MAGI1: variants seen among roughly 807,000 people sequenced by gnomAD.
MAGI1 encodes the protein membrane-associated guanylate kinase, WW and PDZ domain-containing protein 1.
MAGI1 carries 58 observed loss-of-function variants against 139.9 expected under a neutral mutation model. The ratio of observed to expected loss-of-function variants is 0.41; its 90% CI spans 0.34 to 0.52. The LOEUF (loss-of-function observed/expected upper bound fraction) is 0.52. MAGI1 is among the 20% of genes least tolerant of loss of function. MAGI1 has a pLI of 0.12. For missense variants in MAGI1, 1,874 were observed against 1,901.6 expected (o/e 0.99, Z 0.27); for synonymous variants, 812 against 737.9 (o/e 1.10, Z -1.63).
intron 1 of MAGI1, among the ~76,000 whole-genome samples, chr3:65,762,199 A>G (rs992773449): frequency 6.6e-6 from 1 of 152,282 alleles, no homozygotes; most frequent in Non-Finnish European, 1.5e-5. Flanking sequence ...TCACAGCTCA[A>G]GTGGTTCCTT....
chr3:65,781,464 G>A (rs1040244184), intron 1 of MAGI1, among the ~76,000 whole-genome samples: 1 of 152,158 alleles, frequency 6.6e-6, no homozygotes, highest in African/African-American at 2.4e-5. Flanking sequence ...TGTGCAGGAT[G>A]TACAGGTTTG....
intron 20 of MAGI1, among the ~76,000 whole-genome samples, chr3:65,363,872 A>G (rs957931661): frequency 1.3e-5 from 2 of 152,174 alleles, no homozygotes; most frequent in South Asian, 4.1e-4. Flanking sequence ...GCATTTGGGG[A>G]AGGACAATTC....
intron 1 of MAGI1, among the ~76,000 whole-genome samples, chr3:65,789,664 G>A (rs1196790714): frequency 6.6e-6 from 1 of 152,174 alleles, no homozygotes. Context: ...TTAAAGGACA[G>A]AACCGAAGCA....
chr3:65,497,356 G>A (rs1378888515), intron 2 of MAGI1, among the ~76,000 whole-genome samples: 1 of 152,108 alleles, frequency 6.6e-6, no homozygotes, highest in Non-Finnish European at 1.5e-5. Flanking sequence ...AGCAAGATAG[G>A]AGCAAAGGAG....
At chr3:65,620,544 AAATAG>A (rs554546071) in intron 2 of MAGI1, among the ~76,000 whole-genome samples, 82 of 152,344 alleles carry the variant, frequency 5.4e-4, no homozygotes, top group African/African-American at 1.6e-3. Context: ...TGATTTGTAA[AAATAG>A]AATGATAATC....
chr3:65,405,009 A>T (rs1262448025), intron 12 of MAGI1, among the ~76,000 whole-genome samples: 2 of 152,206 alleles, frequency 1.3e-5, no homozygotes, highest in Non-Finnish European at 2.9e-5. Context: ...TGTCTGGTCC[A>T]TTCAGGGTAA....
rs1437377703 is a variant in MAGI1, at chr3:65,453,485, G to T, written c.960-145C>A. On this transcript the variant is annotated intron_variant, in intron 5 of 22. Transcript: ENST00000402939. ...CCAACAGCAAATCCAAACCAGAAGA[G>T]AGCCTGAGTTTACAATTATAAAATG... is the stretch of plus-strand genomic sequence containing the variant. The T allele has an allele frequency of 4.7e-6, 3 of 641,982 alleles. No individual in the cohort carries two copies. In the African/African-American group the frequency reaches 5.5e-5, roughly 12 times the overall value. The allele number at this position is 641,982 out of a possible 1,614,324, so 39.8% of individuals were successfully genotyped here.
At chr3:65,552,836 G>A (rs766473105) in intron 2 of MAGI1, among the ~76,000 whole-genome samples, 1 of 152,182 alleles carries the variant, frequency 6.6e-6, no homozygotes, top group South Asian at 2.1e-4. Context: ...CCAGATGCAT[G>A]TGTTATGCCT....
intron 2 of MAGI1, among the ~76,000 whole-genome samples, chr3:65,616,019 G>C (rs1195160155): frequency 1.3e-5 from 2 of 152,176 alleles, no homozygotes; most frequent in African/African-American, 4.8e-5. Flanking sequence ...TTCGTTGCTA[G>C]CCATGAAAGT....
At chr3:65,658,558 G>T (rs2086015494) in intron 1 of MAGI1, among the ~76,000 whole-genome samples, 1 of 152,116 alleles carries the variant, frequency 6.6e-6, no homozygotes, top group African/African-American at 2.4e-5. Flanking sequence ...ATTATCTAGG[G>T]ATTTGGTTAA....
intron 1 of MAGI1, among the ~76,000 whole-genome samples, chr3:65,957,537 A>G (rs903532375): frequency 9.5e-5 from 14 of 148,116 alleles, no homozygotes; most frequent in Admixed American, 2.7e-4. Context: ...AAAAAAAAGA[A>G]AAAGAAAAGA....
chr3:65,962,416 C>A (rs13088832), intron 1 of MAGI1, among the ~76,000 whole-genome samples: 2 of 151,976 alleles, frequency 1.3e-5, no homozygotes, highest in African/African-American at 2.4e-5. Context: ...CCACCGCGCC[C>A]GGCCTCTGAA....
At chr3:65,846,983 A>AAAAAACAAC (rs2059024741) in intron 1 of MAGI1, among the ~76,000 whole-genome samples, 1 of 147,380 alleles carries the variant, frequency 6.8e-6, no homozygotes, top group African/African-American at 2.5e-5. Flanking sequence ...TTACAAAAAA[A>AAAAAACAAC]AAAAAAAAAA....
At chr3:65,996,098 T>A (rs373497784) in intron 1 of MAGI1, among the ~76,000 whole-genome samples, 1 of 152,190 alleles carries the variant, frequency 6.6e-6, no homozygotes, top group Non-Finnish European at 1.5e-5. Flanking sequence ...TAAATTGGAA[T>A]CTACGACCCA....
At chr3:66,005,222 G>A (rs143844690) in intron 1 of MAGI1, among the ~76,000 whole-genome samples, 76 of 152,276 alleles carry the variant, frequency 5.0e-4, no homozygotes, top group Non-Finnish European at 9.0e-4. Flanking sequence ...CTTTGAATGT[G>A]TTGCAAGGGA....
intron 1 of MAGI1, chr3:65,844,405 C>A: frequency 2.9e-6 from 1 of 341,028 alleles, no homozygotes; most frequent in Non-Finnish European, 5.6e-6. Context: ...AAGGATATCC[C>A]AGAAGAAACT....
At chr3:65,843,136 G>A (rs909972738) in intron 1 of MAGI1, among the ~76,000 whole-genome samples, 2 of 152,154 alleles carry the variant, frequency 1.3e-5, no homozygotes, top group African/African-American at 4.8e-5. Context: ...TTGATCAAAA[G>A]TGATGGATGT....
chr3:65,991,097 T>C (rs11131045), intron 1 of MAGI1, among the ~76,000 whole-genome samples: 17,886 of 152,014 alleles, frequency 0.12, 1,520 homozygotes, highest in African/African-American at 0.24. Context: ...GAGACCAGCC[T>C]GGCCAACAGC....
intron 1 of MAGI1, among the ~76,000 whole-genome samples, chr3:65,870,534 G>A (rs2059902254): frequency 6.6e-6 from 1 of 151,402 alleles, no homozygotes; most frequent in Non-Finnish European, 1.5e-5. Context: ...AGGAGGGGAA[G>A]AAGACAGGGA....
Sources: gnomAD v4.1 joint callset for allele counts (sites outside exome capture counted in the v4.1 genomes callset) on GRCh38, gnomAD v4.1.1 for gene constraint, MANE v1.5 for transcripts, NCBI Gene and HGNC (gene_info 2026-07-23, HGNC 2026-07-21) for gene names.